The following STPG2 variants were observed in gnomAD, a reference collection of about 807,000 sequenced individuals.
STPG2 encodes sperm-tail PG-rich repeat-containing protein 2.
STPG2 carries 56 observed loss-of-function variants against 54.2 expected under a neutral mutation model. The ratio of observed to expected loss-of-function variants is 1.03; its 90% CI spans 0.83 to 1.29. The LOEUF (loss-of-function observed/expected upper bound fraction) is 1.29. Among genes scored for constraint, STPG2 ranks in the 50% most tolerant of loss-of-function variants. STPG2 has a pLI of 0.00. For missense variants in STPG2, 596 were observed against 544.9 expected, an observed-to-expected ratio of 1.09 and a Z score of -0.93; for synonymous variants, 200 against 181.8, an observed-to-expected ratio of 1.10 and a Z score of -0.81.
At chr4:97,886,464 G>A (rs1291868397) in intron 8 of STPG2, among the ~76,000 whole-genome samples, 1 of 152,008 alleles carries the variant, frequency 6.6e-6, no homozygotes, top group Non-Finnish European at 1.5e-5. Flanking sequence ...AAATCTAAGG[G>A]AACAAAATTC....
At chr4:97,701,417 A>G (rs548009087) in intron 10 of STPG2, among the ~76,000 whole-genome samples, 1 of 152,326 alleles carries the variant, frequency 6.6e-6, no homozygotes, top group South Asian at 2.1e-4. Context: ...GCTCAGAGCC[A>G]GTGTTCAGTA....
At chr4:97,537,726 G>A (rs1195353554) in intron 4 of STPG2, among the ~76,000 whole-genome samples, 1 of 152,208 alleles carries the variant, frequency 6.6e-6, no homozygotes, top group East Asian at 1.9e-4. Context: ...CTTGAGATCT[G>A]AGAATGGACA....
intron 8 of STPG2, among the ~76,000 whole-genome samples, chr4:97,864,713 A>T (rs1729695182): frequency 6.6e-6 from 1 of 152,176 alleles, no homozygotes; most frequent in Non-Finnish European, 1.5e-5. Flanking sequence ...TGCAGTAACC[A>T]AAACAGCATG....
At position 98,143,164 on chromosome 4, in the gene STPG2, G is replaced by T. The variant is rs764770781; in HGVS notation, c.-14C>A. ...CCGATCATACATAGTGCTCGGGGTG[G>T]TGGGGGCGCTGGGGAAGGGCAGGTG... On this transcript the variant is annotated 5_prime_UTR_variant, in exon 1 of 11. Coordinates refer to ENST00000295268, the MANE Select transcript of STPG2 (RefSeq NM_174952.3). 1 of 1,606,034 alleles carries T rather than the reference G, an allele frequency of 6.2e-7. No homozygotes were observed. The highest frequency in any genetic ancestry group is 1.1e-5 in the South Asian group (1 of 90,426).
intron 8 of STPG2, among the ~76,000 whole-genome samples, chr4:97,924,326 T>A (rs1211366154): frequency 6.6e-6 from 1 of 152,180 alleles, no homozygotes. Context: ...AATAAAAACA[T>A]TTTAAACATA....
At chr4:97,913,954 A>G (rs1731775525) in intron 8 of STPG2, among the ~76,000 whole-genome samples, 3 of 152,168 alleles carry the variant, frequency 2.0e-5, no homozygotes, top group Admixed American at 2.0e-4. Context: ...ACATAAAATT[A>G]TAATTGCAAA....
chr4:97,920,087 C>A (rs559233976), intron 8 of STPG2, among the ~76,000 whole-genome samples: 7 of 152,316 alleles, frequency 4.6e-5, no homozygotes, highest in African/African-American at 1.7e-4. Context: ...ACAGAAAGGA[C>A]TGCCAAAAAC....
intron 9 of STPG2, among the ~76,000 whole-genome samples, chr4:97,802,998 C>T (rs1007061736): frequency 6.6e-6 from 1 of 152,158 alleles, no homozygotes; most frequent in Admixed American, 6.5e-5. Flanking sequence ...CAATCTGACT[C>T]ACCTGCCCTC....
chr4:97,925,564 A>G (rs1732303434), intron 8 of STPG2, among the ~76,000 whole-genome samples: 1 of 152,210 alleles, frequency 6.6e-6, no homozygotes, highest in Non-Finnish European at 1.5e-5. Flanking sequence ...GGTTAGTTGT[A>G]TAATAAGATA....
intron 8 of STPG2, among the ~76,000 whole-genome samples, chr4:97,922,729 G>C (rs1376422440): frequency 6.6e-6 from 1 of 152,174 alleles, no homozygotes; most frequent in African/African-American, 2.4e-5. Context: ...CATATGCAAG[G>C]TTAGGGGAAG....
intron 6 of STPG2, among the ~76,000 whole-genome samples, chr4:97,978,129 T>C (rs1169173094): frequency 6.6e-6 from 1 of 152,126 alleles, no homozygotes; most frequent in African/African-American, 2.4e-5. Context: ...GTGTTCAGTT[T>C]TCTGGAACTA....
At chr4:98,004,815 T>C (rs1365872508) in intron 5 of STPG2, among the ~76,000 whole-genome samples, 1 of 152,170 alleles carries the variant, frequency 6.6e-6, no homozygotes, top group Non-Finnish European at 1.5e-5. Context: ...TCAGGTTATT[T>C]GCCCATTTTA....
chr4:98,096,183 C>T (rs1406856072), intron 5 of STPG2, among the ~76,000 whole-genome samples: 3 of 151,960 alleles, frequency 2.0e-5, no homozygotes, highest in African/African-American at 7.3e-5. Flanking sequence ...TTGCTTGAAC[C>T]CAGAAGTTTA....
At chr4:97,770,382 G>A (rs182802947) in intron 9 of STPG2, among the ~76,000 whole-genome samples, 37 of 152,292 alleles carry the variant, frequency 2.4e-4, no homozygotes, top group African/African-American at 8.4e-4. Context: ...GATGTTTGGA[G>A]GAAGAACATT....
chr4:97,937,508 C>T lies in STPG2; in HGVS notation c.1044+6389G>A, dbSNP rs746258894. 2.6e-4 allele frequency among the ~76,000 whole-genome samples: 39 copies of T among 152,122 alleles called. 1 individual carries two copies. Among genetic ancestry groups the T allele is most frequent in the South Asian group, 2.1e-4 (1 of 4,826 alleles). On this transcript the variant is annotated intron_variant, in intron 8 of 10. Transcript: ENST00000295268. The stretch of plus-strand genomic sequence containing the variant: ...TTTTTTGTTAATTCTTTCTCATCTT[C>T]GTGAGTTTGTCTAGTGTCAATCTTT...
intron 10 of STPG2, among the ~76,000 whole-genome samples, chr4:97,709,784 CA>C (rs1724055034): frequency 6.6e-6 from 1 of 151,674 alleles, no homozygotes. Context: ...ACTGATTCAA[CA>C]AGAGAATGTG....
chr4:98,105,050 G>A (rs1390377714), intron 5 of STPG2, among the ~76,000 whole-genome samples: 1 of 152,188 alleles, frequency 6.6e-6, no homozygotes, highest in Non-Finnish European at 1.5e-5. Flanking sequence ...ATACGCTGCT[G>A]AGTGTTCAAA....
intron 5 of STPG2, among the ~76,000 whole-genome samples, chr4:98,100,937 A>T (rs866152410): frequency 3.8e-4 from 58 of 152,108 alleles, no homozygotes; most frequent in Middle Eastern, 3.4e-3. Context: ...TGGCCTCCCA[A>T]AGTGCTGGGA....
intron 10 of STPG2, among the ~76,000 whole-genome samples, chr4:97,636,656 G>C (rs1179826040): frequency 6.6e-6 from 1 of 151,488 alleles, no homozygotes; most frequent in African/African-American, 2.4e-5. Context: ...ATGATAAAGG[G>C]GATATTACCA....
Sources: gnomAD v4.1 joint callset for allele counts (sites outside exome capture counted in the v4.1 genomes callset) on GRCh38, gnomAD v4.1.1 for gene constraint, MANE v1.5 for transcripts, NCBI Gene and HGNC (gene_info 2026-07-23, HGNC 2026-07-21) for gene names.